Variants in PHB1 observed in about 807,000 individuals in gnomAD.
PHB1 encodes epididymis luminal protein 215.
At chr17:49,410,113 G>C in the PHB1 span, among the ~76,000 whole-genome samples, 1 of 150,558 alleles carries the variant, frequency 6.6e-6, no homozygotes, top group Non-Finnish European at 1.5e-5. Context: ...AAACTCCTGG[G>C]CTCAAGTGAT....
At chr17:49,412,960 C>G in the PHB1 span, 8 of 497,804 alleles carry the variant, frequency 1.6e-5, no homozygotes, top group South Asian at 2.0e-4. Context: ...GGCTGGGAAG[C>G]TCTTTTTGAA....
chr17:49,413,739 G>A, the PHB1 span, among the ~76,000 whole-genome samples: 1 of 151,910 alleles, frequency 6.6e-6, no homozygotes, highest in Non-Finnish European at 1.5e-5. Context: ...CAAACTCCTG[G>A]GCTCAAGTGA....
chr17:49,404,942 A>G, the PHB1 span: 5 of 1,244,572 alleles, frequency 4.0e-6, no homozygotes, highest in Non-Finnish European at 3.5e-6. Context: ...GTTAAGAATC[A>G]TCGGGGCTGT....
chr17:49,408,900 C>T, the PHB1 span: 33 of 656,054 alleles, frequency 5.0e-5, no homozygotes, highest in Non-Finnish European at 9.0e-5. Flanking sequence ...GACTGCCTCA[C>T]CTCAGCATGT....
At chr17:49,406,064 G>GT in the PHB1 span, among the ~76,000 whole-genome samples, 1 of 152,184 alleles carries the variant, frequency 6.6e-6, no homozygotes, top group African/African-American at 2.4e-5. Context: ...AACATTTACT[G>GT]TATACCTACT....
chr17:49,404,534 C>A, the PHB1 span: 1 of 247,986 alleles, frequency 4.0e-6, no homozygotes. Flanking sequence ...GCACAGGAAC[C>A]GCTGGGAAGA....
At chr17:49,409,529 AGTGTTTTTTTTTT>A in the PHB1 span, 1 of 1,296,706 alleles carries the variant, frequency 7.7e-7, no homozygotes, top group Non-Finnish European at 1.1e-6. Context: ...TAGGAAAACA[AGTGTTTTTTTTTT>A]GTTTTTTTTT....
chr17:49,411,605 G>T, the PHB1 span: 1 of 1,314,300 alleles, frequency 7.6e-7, no homozygotes, highest in Non-Finnish European at 1.1e-6. Context: ...TCCCACAGAT[G>T]CTCCTGTGAC....
At chr17:49,405,102 C>T in the PHB1 span, 17 of 1,613,000 alleles carry the variant, frequency 1.1e-5, no homozygotes, top group Admixed American at 1.7e-5. Flanking sequence ...TTGCGCAGCT[C>T]GATCAGGCCA....
the PHB1 span, chr17:49,413,235 G>T: frequency 1.2e-6 from 2 of 1,610,768 alleles, no homozygotes; most frequent in East Asian, 2.2e-5. Flanking sequence ...GGCCAAACTT[G>T]CCAATGGACT....
chr17:49,405,182 G>A, the PHB1 span: 1 of 1,613,996 alleles, frequency 6.2e-7, no homozygotes, highest in Non-Finnish European at 8.5e-7. Flanking sequence ...AGAGATGATG[G>A]CCGCCTTTTT....
At chr17:49,406,634 C>T in the PHB1 span, 1 of 730,648 alleles carries the variant, frequency 1.4e-6, no homozygotes, top group South Asian at 1.5e-5. Flanking sequence ...TTCCTTCAAG[C>T]CCCTTCTGAT....
At chr17:49,407,095 G>A in the PHB1 span, 2 of 502,298 alleles carry the variant, frequency 4.0e-6, no homozygotes, top group East Asian at 3.5e-5. Context: ...GTGACCTCAT[G>A]TAGCAAATGG....
chr17:49,404,954 G>C, the PHB1 span: 1 of 1,369,166 alleles, frequency 7.3e-7, no homozygotes, highest in East Asian at 2.5e-5. Flanking sequence ...CGGGGCTGTG[G>C]CCCAGTCAGC....
At chr17:49,407,259 G>C in the PHB1 span, 1 of 176,426 alleles carries the variant, frequency 5.7e-6, no homozygotes, top group African/African-American at 2.3e-5. Context: ...CCCAAGGAAG[G>C]CCAGATGGAA....
the PHB1 span, chr17:49,409,531 TGTTTTTTTTTTG>T: frequency 7.3e-7 from 1 of 1,376,224 alleles, no homozygotes; most frequent in South Asian, 1.3e-5. Flanking sequence ...GGAAAACAAG[TGTTTTTTTTTTG>T]TTTTTTTTTT....
At chr17:49,411,901 T>G in the PHB1 span, 2 of 1,497,890 alleles carry the variant, frequency 1.3e-6, no homozygotes, top group Non-Finnish European at 1.8e-6. Context: ...AAAAGGATCA[T>G]GTCTTTGAAA....
chr17:49,413,424 G>T, the PHB1 span: 1 of 582,026 alleles, frequency 1.7e-6, no homozygotes. Flanking sequence ...ATCATCCATT[G>T]AAGGATACCT....
chr17:49,413,070 A>T, the PHB1 span: 1 of 808,582 alleles, frequency 1.2e-6, no homozygotes, highest in East Asian at 2.7e-5. Flanking sequence ...CTTGGCCACA[A>T]ACACATTCAC....
Sources: gnomAD v4.1 joint callset for allele counts (sites outside exome capture counted in the v4.1 genomes callset) on GRCh38, gnomAD v4.1.1 for gene constraint, MANE v1.5 for transcripts, NCBI Gene and HGNC (gene_info 2026-07-23, HGNC 2026-07-21) for gene names.